Variants in NAALADL2 observed in about 807,000 individuals in gnomAD.
The protein encoded by NAALADL2 is inactive N-acetylated-alpha-linked acidic dipeptidase-like protein 2.
Under a neutral mutation model 87.2 loss-of-function variants are expected in NAALADL2, and 76 were observed. The observed-to-expected ratio is 0.87, with a 90% CI of 0.72 to 1.05. The LOEUF is 1.05. Among genes scored for constraint, NAALADL2 ranks in the 50% least tolerant of loss-of-function variants. The probability of loss-of-function intolerance (pLI) is 0.00; values close to 1 mark genes in which losing one functional copy is unlikely to be tolerated. For synonymous variants in NAALADL2, 354 were observed against 331.0 expected, an observed-to-expected ratio of 1.07 and a Z score of -0.75; for missense variants, 1,089 against 945.8, an observed-to-expected ratio of 1.15 and a Z score of -1.99.
At chr3:175,698,355 G>A (rs192324013) in intron 11 of NAALADL2, among the ~76,000 whole-genome samples, 7 of 86,166 alleles carry the variant, frequency 8.1e-5, no homozygotes, top group South Asian at 2.7e-4. Context: ...GTGTATTTAT[G>A]TATGTGTATA....
Position 175,369,452 on chromosome 3 carries a change from T to C in NAALADL2, c.1090+45127T>C, listed in dbSNP as rs535724514. 3.3e-5 allele frequency: 5 copies of C among 150,102 alleles called. No homozygotes were observed. In the East Asian group the frequency reaches 7.8e-4, roughly 24 times the overall value. 9.3% of individuals were successfully genotyped at this position (150,102 alleles called of 1,614,324 possible). ...CGTGTGTGTACATATACATGTTACA[T>C]TTACATACACCTGATATGTGCATGT... is the stretch of plus-strand genomic sequence containing the variant. On this transcript the variant is annotated intron_variant, in intron 5 of 13. Transcript: ENST00000454872.
intron 3 of NAALADL2, among the ~76,000 whole-genome samples, chr3:174,745,917 G>C (rs1473453469): frequency 2.0e-5 from 3 of 151,948 alleles, no homozygotes; most frequent in African/African-American, 7.2e-5. Flanking sequence ...CTAGATATTG[G>C]TGGAACATAT....
At chr3:174,973,471 T>C (rs1022464913) in intron 1 of NAALADL2, among the ~76,000 whole-genome samples, 1 of 152,188 alleles carries the variant, frequency 6.6e-6, no homozygotes, top group Non-Finnish European at 1.5e-5. Flanking sequence ...TATAAGATAA[T>C]ATTATAGCTC....
chr3:175,755,581 T>G (rs1200912318), intron 13 of NAALADL2, among the ~76,000 whole-genome samples, 163 bp downstream of exon 13: 1 of 152,058 alleles, frequency 6.6e-6, no homozygotes, highest in Non-Finnish European at 1.5e-5. Flanking sequence ...AAAATTAAAC[T>G]GCAGAAATAT....
rs199754631 is a variant in NAALADL2 at position 175,096,823 on chromosome 3, A to G, written c.77A>G (p.Asp26Gly). Residue 26 changes from aspartate (D) to glycine (G), a missense_variant, in exon 2 of 14, where the codon GAT becomes GGT. Transcript: ENST00000454872. The stretch of plus-strand genomic sequence containing the variant: ...ATGGCCTATCAGAAGGTCCATGCAG[A>G]TCAAAGAGCTCCAGGACACTCACAG... ...KKMAYQKVHA[D>G]QRAPGHSQYL... 294 of 1,599,884 alleles carry G rather than the reference A, an allele frequency of 1.8e-4. No individual in the cohort carries two copies. The highest frequency in any genetic ancestry group is 2.4e-4 in the Non-Finnish European group (280 of 1,173,506).
chr3:175,391,137 T>C (rs1005831165), intron 5 of NAALADL2, among the ~76,000 whole-genome samples: 4 of 152,210 alleles, frequency 2.6e-5, no homozygotes, highest in African/African-American at 9.6e-5. Context: ...CCTAAAAGAA[T>C]ACAGTGGTAT....
chr3:175,277,505 A>G (rs1753753669), intron 4 of NAALADL2, among the ~76,000 whole-genome samples: 1 of 152,170 alleles, frequency 6.6e-6, no homozygotes, highest in Non-Finnish European at 1.5e-5. Context: ...AATGTAGTTC[A>G]ATGGCCAAAC....
At chr3:175,354,727 C>A (rs952567053) in intron 5 of NAALADL2, among the ~76,000 whole-genome samples, 15 of 151,882 alleles carry the variant, frequency 9.9e-5, no homozygotes, top group African/African-American at 3.4e-4. Flanking sequence ...AATCATAACT[C>A]ACTGTAGCCT....
At chr3:175,231,964 T>C (rs1024620874) in intron 2 of NAALADL2, among the ~76,000 whole-genome samples, 1 of 151,958 alleles carries the variant, frequency 6.6e-6, no homozygotes, top group African/African-American at 2.4e-5. Flanking sequence ...AGAGAACAGA[T>C]AAAGTAACAA....
intron 13 of NAALADL2, among the ~76,000 whole-genome samples, chr3:175,789,694 GTTAAGAACTGCATGCA>G (rs1170447058): frequency 3.9e-5 from 6 of 152,100 alleles, no homozygotes; most frequent in African/African-American, 1.4e-4. Flanking sequence ...AAAGGGTACA[GTTAAGAACTGCATGCA>G]TTATTTTCTG....
chr3:174,656,518 T>C (rs1447234382), intron 2 of NAALADL2, among the ~76,000 whole-genome samples: 1 of 152,180 alleles, frequency 6.6e-6, no homozygotes, highest in Non-Finnish European at 1.5e-5. Flanking sequence ...GCTCACAGAA[T>C]TGGTATTAGC....
chr3:175,631,465 T>C (rs1009131614), intron 11 of NAALADL2, among the ~76,000 whole-genome samples: 8 of 149,122 alleles, frequency 5.4e-5, no homozygotes, highest in African/African-American at 2.0e-4. Flanking sequence ...TTTTTTTTTT[T>C]ACAAAGTTTG....
At chr3:175,569,156 T>C (rs1490320834) in intron 9 of NAALADL2, among the ~76,000 whole-genome samples, 1 of 152,180 alleles carries the variant, frequency 6.6e-6, no homozygotes, top group East Asian at 1.9e-4. Context: ...TTAGGTTCTT[T>C]TCTCAGTTTC....
At chr3:174,606,950 A>G in intron 2 of NAALADL2, among the ~76,000 whole-genome samples, 1 of 152,350 alleles carries the variant, frequency 6.6e-6, no homozygotes, top group East Asian at 1.9e-4. Flanking sequence ...GAAGCCCATC[A>G]GACTAACAGC....
chr3:175,619,783 G>C (rs1005214603), intron 10 of NAALADL2, among the ~76,000 whole-genome samples: 7 of 152,112 alleles, frequency 4.6e-5, no homozygotes, highest in Non-Finnish European at 1.0e-4. Context: ...AAGACTGGAG[G>C]TCCTAGTGCT....
intron 2 of NAALADL2, among the ~76,000 whole-genome samples, chr3:175,232,249 A>AG (rs1553824043): frequency 5.8e-5 from 7 of 121,180 alleles, no homozygotes; most frequent in Admixed American, 1.7e-4. Flanking sequence ...AGAAGAAAGA[A>AG]CAAGAAGAAG....
At chr3:175,093,887 C>T (rs191670968) in intron 1 of NAALADL2, among the ~76,000 whole-genome samples, 243 of 151,962 alleles carry the variant, frequency 1.6e-3, no homozygotes, top group African/African-American at 4.3e-3. Flanking sequence ...TAATTGATGG[C>T]TCTGTCTGAT....
At chr3:175,630,179 C>T (rs1023064681) in intron 11 of NAALADL2, among the ~76,000 whole-genome samples, 1 of 151,500 alleles carries the variant, frequency 6.6e-6, no homozygotes, top group Non-Finnish European at 1.5e-5. Context: ...AACTGAGAAA[C>T]CATAAAATGA....
intron 5 of NAALADL2, among the ~76,000 whole-genome samples, chr3:175,363,703 T>G (rs1353598469): frequency 6.7e-6 from 1 of 148,244 alleles, no homozygotes; most frequent in African/African-American, 2.4e-5. Flanking sequence ...GTAATTAAAA[T>G]AAATATTTGC....
Sources: allele counts gnomAD v4.1 joint callset (sites outside exome capture counted in the v4.1 genomes callset), GRCh38; gene constraint gnomAD v4.1.1; transcripts MANE v1.5; gene names NCBI Gene and HGNC (gene_info 2026-07-23, HGNC 2026-07-21).